Variants in TASP1 observed in about 807,000 individuals in gnomAD.
TASP1 encodes the protein threonine aspartase 1.
A neutral mutation model predicts 56.6 loss-of-function variants in TASP1; 16 were observed. That is an observed-to-expected ratio of 0.28 (90% CI 0.19 to 0.43). TASP1 has a LOEUF of 0.43. Among genes scored for constraint, TASP1 ranks in the 20% least tolerant of loss-of-function variants. The pLI, the probability that TASP1 is intolerant of heterozygous loss-of-function variation, is 1.00. For synonymous variants in TASP1, 179 were observed against 184.2 expected (o/e 0.97, Z 0.23); for missense variants, 393 against 511.6 (o/e 0.77, Z 2.24).
At chr20:13,380,991 A>G in the TASP1 span, among the ~76,000 whole-genome samples, 1 of 152,280 alleles carries the variant, frequency 6.6e-6, no homozygotes, top group South Asian at 2.1e-4. Context: ...ATTTCAAACC[A>G]GTGGTCTTAG....
At chr20:13,518,106 A>C (rs2044606124) in intron 10 of TASP1, among the ~76,000 whole-genome samples, 1 of 152,118 alleles carries the variant, frequency 6.6e-6, no homozygotes, top group Non-Finnish European at 1.5e-5. Context: ...CTAACCCCAC[A>C]TATTATGTCT....
At chr20:13,521,005 C>G (rs541500587) in intron 10 of TASP1, among the ~76,000 whole-genome samples, 3 of 152,218 alleles carry the variant, frequency 2.0e-5, no homozygotes, top group East Asian at 3.9e-4. Context: ...TTTATGCAAC[C>G]AAAAGACACA....
intron 6 of TASP1, among the ~76,000 whole-genome samples, chr20:13,570,091 T>C (rs1474608351): frequency 6.6e-6 from 1 of 152,072 alleles, no homozygotes; most frequent in Non-Finnish European, 1.5e-5. Context: ...AATACATACA[T>C]AACCTTCAGA....
At chr20:13,254,937 T>TA in the TASP1 span, among the ~76,000 whole-genome samples, 1 of 152,222 alleles carries the variant, frequency 6.6e-6, no homozygotes, top group Non-Finnish European at 1.5e-5. Flanking sequence ...AGAGAGCATT[T>TA]AGTGAGGTCC....
chr20:13,238,004 C>T, the TASP1 span: 2 of 152,202 alleles, frequency 1.3e-5, no homozygotes, highest in Admixed American at 6.5e-5. Flanking sequence ...TACTGCTTGA[C>T]TTCATTCCCC....
the TASP1 span, among the ~76,000 whole-genome samples, chr20:13,381,973 C>T: frequency 1.3e-5 from 2 of 152,180 alleles, no homozygotes; most frequent in African/African-American, 4.8e-5. Flanking sequence ...TCCAGCCTCT[C>T]AGATGTGCAC....
the TASP1 span, chr20:13,279,892 G>A: frequency 1.2e-6 from 2 of 1,613,706 alleles, no homozygotes; most frequent in Non-Finnish European, 8.5e-7. Context: ...AGATCAGCCA[G>A]AATATGGTGA....
the TASP1 span, among the ~76,000 whole-genome samples, chr20:13,333,594 C>T: frequency 1.4e-3 from 212 of 152,248 alleles, no homozygotes; most frequent in African/African-American, 5.0e-3. Flanking sequence ...ATGTTTCATA[C>T]CTAAGCTACG....
the TASP1 span, among the ~76,000 whole-genome samples, chr20:13,254,088 T>C: frequency 9.4e-5 from 14 of 149,486 alleles, no homozygotes; most frequent in Non-Finnish European, 2.1e-4. Flanking sequence ...AATACAAACA[T>C]TAGGCATGGT....
intron 11 of TASP1, among the ~76,000 whole-genome samples, chr20:13,439,464 C>T (rs2043138778): frequency 6.6e-6 from 1 of 152,040 alleles, no homozygotes; most frequent in African/African-American, 2.4e-5. Context: ...AATGAGAACA[C>T]ATGGACACAG....
At chr20:13,409,890 T>C (rs1011603171) in intron 13 of TASP1, among the ~76,000 whole-genome samples, 6 of 152,186 alleles carry the variant, frequency 3.9e-5, no homozygotes, top group Admixed American at 1.3e-4. Flanking sequence ...TGGTTAACTA[T>C]AGTCAACTTA....
chr20:13,309,393 C>G, the TASP1 span, among the ~76,000 whole-genome samples: 1 of 152,070 alleles, frequency 6.6e-6, no homozygotes, highest in East Asian at 1.9e-4. Context: ...TAAAAACTCT[C>G]AATGAATTAG....
intron 4 of TASP1, chr20:13,616,788 C>T (rs1422624582): frequency 1.3e-5 from 3 of 227,488 alleles, no homozygotes; most frequent in Admixed American, 5.6e-5. Flanking sequence ...TTACAAGTTG[C>T]CCCTTAGTAC....
chr20:13,204,002 C>T, the TASP1 span, among the ~76,000 whole-genome samples: 1 of 152,212 alleles, frequency 6.6e-6, no homozygotes, highest in African/African-American at 2.4e-5. Flanking sequence ...CATTGGTTCA[C>T]ACTGAAAACA....
the TASP1 span, among the ~76,000 whole-genome samples, chr20:13,216,638 T>C: frequency 6.6e-6 from 1 of 152,162 alleles, no homozygotes; most frequent in South Asian, 2.1e-4. Flanking sequence ...GCCCCCTAGT[T>C]AGGGTAATGA....
At chr20:13,225,926 A>G in the TASP1 span, among the ~76,000 whole-genome samples, 1 of 152,220 alleles carries the variant, frequency 6.6e-6, no homozygotes, top group Non-Finnish European at 1.5e-5. Flanking sequence ...AAGACAAAAT[A>G]TAGAATCCAT....
At chr20:13,123,494 G>T in the TASP1 span, among the ~76,000 whole-genome samples, 1 of 152,274 alleles carries the variant, frequency 6.6e-6, no homozygotes, top group South Asian at 2.1e-4. Context: ...AAGGCACAGA[G>T]AGATTTAGTA....
intron 11 of TASP1, among the ~76,000 whole-genome samples, chr20:13,452,765 CCTTGGATA>C (rs2043671771): frequency 6.6e-6 from 1 of 151,942 alleles, no homozygotes; most frequent in Non-Finnish European, 1.5e-5. Flanking sequence ...GAAAATCCGC[CCTTGGATA>C]ATGGGTTGAA....
At chr20:13,363,848 G>T in the TASP1 span, among the ~76,000 whole-genome samples, 1 of 151,262 alleles carries the variant, frequency 6.6e-6, no homozygotes, top group Admixed American at 6.6e-5. Context: ...GTGTGTGTGA[G>T]TGGAAAGAAA....
Sources: gnomAD v4.1 joint callset for allele counts (sites outside exome capture counted in the v4.1 genomes callset) on GRCh38, gnomAD v4.1.1 for gene constraint, MANE v1.5 for transcripts, NCBI Gene and HGNC (gene_info 2026-07-23, HGNC 2026-07-21) for gene names.